Variants in MLIP observed in about 807,000 individuals in gnomAD.
The protein encoded by MLIP is muscular LMNA interacting protein, also known as muscular LMNA-interacting protein.
MLIP carries 79 observed loss-of-function variants against 84.8 expected under a neutral mutation model. That is an observed-to-expected ratio of 0.93 (90% CI 0.78 to 1.12). The LOEUF (loss-of-function observed/expected upper bound fraction) is 1.12, where lower values mean the gene tolerates loss of function less well. Among genes scored for constraint, MLIP ranks in the 50% most tolerant of loss-of-function variants. The pLI is 0.00. For synonymous variants in MLIP, 504 were observed against 463.0 expected, an observed-to-expected ratio of 1.09 and a Z score of -1.14; for missense variants, 1,257 against 1,160.6, an observed-to-expected ratio of 1.08 and a Z score of -1.21.
At chr6:54,238,637 G>A (rs918691120) in intron 12 of MLIP, among the ~76,000 whole-genome samples, 2 of 152,182 alleles carry the variant, frequency 1.3e-5, no homozygotes, top group African/African-American at 4.8e-5. Flanking sequence ...TTCACAGTCA[G>A]GATGACTTTT....
chr6:54,028,966 CA>C (rs1271463053), intron 1 of MLIP: 5 of 152,170 alleles, frequency 3.3e-5, no homozygotes, highest in Admixed American at 6.5e-5. Flanking sequence ...TGCTTTTTCA[CA>C]CTGATTTTTC....
chr6:54,108,881 A>G (rs951103283), upstream of MLIP, among the ~76,000 whole-genome samples: 3 of 152,224 alleles, frequency 2.0e-5, no homozygotes, highest in East Asian at 1.9e-4. Context: ...GAAGAGTTTC[A>G]TAGCGTTTGA....
intron 9 of MLIP, among the ~76,000 whole-genome samples, chr6:54,170,405 G>A (rs541725773): frequency 3.3e-5 from 5 of 151,596 alleles, no homozygotes; most frequent in East Asian, 1.9e-4. Flanking sequence ...TCTCCCCAAG[G>A]CAAGTAATAA....
chr6:54,252,540 T>C (rs555026202), intron 12 of MLIP, among the ~76,000 whole-genome samples: 2 of 144,672 alleles, frequency 1.4e-5, no homozygotes, highest in Admixed American at 7.2e-5. Flanking sequence ...TAGATAATGA[T>C]AATAAATATA....
intron 2 of MLIP, among the ~76,000 whole-genome samples, chr6:54,122,114 T>C (rs1387914521): frequency 6.6e-6 from 1 of 152,152 alleles, no homozygotes; most frequent in African/African-American, 2.4e-5. Context: ...TTATAACCTT[T>C]CAATAATCTA....
At chr6:54,211,445 A>G (rs1349723760) in intron 11 of MLIP, among the ~76,000 whole-genome samples, 2 of 152,172 alleles carry the variant, frequency 1.3e-5, no homozygotes, top group Non-Finnish European at 2.9e-5. Context: ...TAACCTTCCC[A>G]TGTCAAAAAC....
At chr6:54,119,085 A>AG (rs55993264) in intron 1 of MLIP, among the ~76,000 whole-genome samples, 149,787 of 152,352 alleles carry the variant, frequency 0.98, 73,693 homozygotes, top group East Asian at 1. Context: ...ACTTACACAC[A>AG]TTGGTGAGAG....
chr6:54,055,498 T>G (rs1765612915), intron 1 of MLIP, among the ~76,000 whole-genome samples: 2 of 152,136 alleles, frequency 1.3e-5, no homozygotes, highest in African/African-American at 2.4e-5. Flanking sequence ...CATAGTTAAT[T>G]ATTCAGAAAA....
At position 54,138,200 on chromosome 6, in the gene MLIP, C is replaced by T. The variant is rs1771989447; in HGVS notation, c.2131C>T (p.Leu711Phe). Reference sequence around the variant, plus strand: ...CAGGTCACCTGTTTCAACCCCATCACTTCCCATATCTCTAACAAGGACAGA... The same window carrying T: ...CAGGTCACCTGTTTCAACCCCATCATTTCCCATATCTCTAACAAGGACAGA... The part of the protein sequence containing the change: ...NHRSPVSTPS[L>F]PISLTRTEEL... Residue 711 changes from leucine to phenylalanine, a missense_variant, in exon 4 of 14, where the codon CTT becomes TTT. Coordinates refer to ENST00000502396, the MANE Select transcript of MLIP (RefSeq NM_001281747.2). The T allele has an allele frequency of 6.5e-7, 1 of 1,536,022 alleles. No individual in the cohort carries two copies. Among genetic ancestry groups the T allele is most frequent in the Non-Finnish European group, 8.7e-7 (1 of 1,146,898 alleles).
intron 1 of MLIP, among the ~76,000 whole-genome samples, chr6:54,041,242 C>T (rs1268775369): frequency 1.3e-5 from 2 of 152,068 alleles, no homozygotes; most frequent in Non-Finnish European, 2.9e-5. Flanking sequence ...CTCCATGCCT[C>T]AATAGACTAA....
intron 1 of MLIP, among the ~76,000 whole-genome samples, chr6:54,073,814 T>C (rs7742036): frequency 0.13 from 19,915 of 152,256 alleles, 1,508 homozygotes; most frequent in Admixed American, 0.22. Context: ...TTCAAGAGAA[T>C]GTGAAATTTA....
chr6:54,207,030 G>T (rs1396164167), intron 11 of MLIP, among the ~76,000 whole-genome samples: 1 of 152,104 alleles, frequency 6.6e-6, no homozygotes, highest in East Asian at 1.9e-4. Flanking sequence ...AAATGAATTA[G>T]TGGTTTGCTA....
chr6:54,150,566 C>T (rs1259618611), intron 5 of MLIP, among the ~76,000 whole-genome samples: 1 of 152,160 alleles, frequency 6.6e-6, no homozygotes, highest in Non-Finnish European at 1.5e-5. Context: ...AGCAGTGAGG[C>T]AAAGAGGAGA....
chr6:54,074,604 C>A (rs531613402), intron 1 of MLIP, among the ~76,000 whole-genome samples: 1 of 152,028 alleles, frequency 6.6e-6, no homozygotes. Flanking sequence ...CCTCTTGTGC[C>A]GGTGTTTAAC....
intron 5 of MLIP, among the ~76,000 whole-genome samples, chr6:54,157,213 T>A (rs191372379): frequency 9.2e-5 from 14 of 152,216 alleles, no homozygotes; most frequent in African/African-American, 2.9e-4. Flanking sequence ...GTCTTTAATT[T>A]CTGACATTTT....
At chr6:54,205,237 A>G (rs1430297167) in intron 11 of MLIP, among the ~76,000 whole-genome samples, 2 of 152,202 alleles carry the variant, frequency 1.3e-5, no homozygotes, top group Non-Finnish European at 2.9e-5. Flanking sequence ...CTTCATCAGA[A>G]CCTCAATAGA....
In MLIP at chr6:54,250,960, T is replaced by C. The variant is rs1042134221; in HGVS notation, c.2923-6348T>C. Among the ~76,000 whole-genome samples the C allele has an allele frequency of 9.2e-5, 14 of 152,226 alleles. No homozygotes were observed. In the East Asian group the frequency reaches 2.3e-3, roughly 25 times the overall value. On this transcript the variant is annotated intron_variant, in intron 12 of 13. Transcript: ENST00000502396. ...TTGGACTTATATATTCCTGATTATA[T>C]AATTACTATCTGTCTCTCCTGCTAG...
intron 1 of MLIP, among the ~76,000 whole-genome samples, chr6:54,042,830 T>C (rs2150304421): frequency 6.6e-6 from 1 of 152,262 alleles, no homozygotes; most frequent in Middle Eastern, 3.4e-3. Flanking sequence ...TTCTTGAAAT[T>C]TGGAAATGTA....
chr6:54,234,999 C>T (rs1483534645), intron 12 of MLIP, among the ~76,000 whole-genome samples: 1 of 152,092 alleles, frequency 6.6e-6, no homozygotes, highest in Non-Finnish European at 1.5e-5. Flanking sequence ...TTATCATTTC[C>T]CCTAGGATGT....
Sources: allele counts gnomAD v4.1 joint callset (sites outside exome capture counted in the v4.1 genomes callset), GRCh38; gene constraint gnomAD v4.1.1; transcripts MANE v1.5; gene names NCBI Gene and HGNC (gene_info 2026-07-23, HGNC 2026-07-21).